Variants in MYCBP2 observed in about 807,000 individuals in gnomAD.
The protein encoded by MYCBP2 is E3 ubiquitin-protein ligase MYCBP2.
MYCBP2 carries 120 observed loss-of-function variants against 525.3 expected under a neutral mutation model. The ratio of observed to expected loss-of-function variants is 0.23; its 90% confidence interval spans 0.20 to 0.27. The LOEUF is 0.27. Among genes scored for constraint, MYCBP2 ranks in the 10% least tolerant of loss-of-function variants. MYCBP2 has a pLI of 1.00. For missense variants in MYCBP2, 4,149 were observed against 5,657.1 expected (o/e 0.73, Z 8.55); for synonymous variants, 1,894 against 1,955.8 (o/e 0.97, Z 0.83).
intron 18 of MYCBP2, 50 bp downstream of exon 18, chr13:77,233,106 G>A (rs1460094050): frequency 1.3e-6 from 2 of 1,491,370 alleles, no homozygotes; most frequent in South Asian, 1.2e-5. Context: ...TCAAATGAGT[G>A]GAAGAAATTG....
At chr13:77,224,386 A>G (rs1249765424) in intron 20 of MYCBP2, 65 bp downstream of exon 20, 10 of 1,006,614 alleles carry the variant, frequency 9.9e-6, no homozygotes, top group Non-Finnish European at 1.5e-5. Context: ...AAGAAAGAAA[A>G]AAGAAGGAAA....
chr13:77,275,838 G>C (rs2075488822), intron 4 of MYCBP2, among the ~76,000 whole-genome samples: 1 of 152,048 alleles, frequency 6.6e-6, no homozygotes, highest in Admixed American at 6.6e-5. Context: ...ACAAAAATTA[G>C]CCGGGCATTG....
chr13:77,133,036 T>C lies in MYCBP2; in HGVS notation c.7659+6160A>G, dbSNP rs564397096. ...TTAAGGTTATAAGTATTTATCTTTCTGTAGTTTGGCAGTTCTAGTCAAAGT... is the reference window on the plus strand; with the variant it reads ...TTAAGGTTATAAGTATTTATCTTTCCGTAGTTTGGCAGTTCTAGTCAAAGT... On this transcript the variant is annotated intron_variant, in intron 52 of 82. Transcript: ENST00000544440. 1.2e-4 allele frequency among the ~76,000 whole-genome samples: 18 copies of C among 152,298 alleles called. 1 individual carries two copies. The South Asian group carries it at 2.7e-3, about 23-fold the overall frequency.
At chr13:77,258,572 G>C (rs909920930) in intron 13 of MYCBP2, among the ~76,000 whole-genome samples, 2 of 152,124 alleles carry the variant, frequency 1.3e-5, no homozygotes, top group Non-Finnish European at 2.9e-5. Context: ...TGGGAAAACT[G>C]TTCTACATTA....
rs1319374166 is a variant in MYCBP2 at position 77,165,287 on chromosome 13, G to C, written c.6445C>G (p.Pro2149Ala). 6.2e-6 allele frequency: 10 copies of C among 1,607,068 alleles called. No individual in the cohort carries two copies. In the East Asian group the frequency reaches 1.8e-4, roughly 29 times the overall value. The change falls in exon 42 of 83, where the codon CCT becomes GCT. Residue 2149 changes from proline (P) to alanine (A), a missense_variant. Physicochemically the swap from Pro to Ala is conservative, Grantham distance 27. This residue lies in a region of MYCBP2 where 692 missense variants were observed against 852.7 expected (regional missense o/e 0.81). Coordinates refer to ENST00000544440, the MANE Select transcript of MYCBP2 (RefSeq NM_015057.5). ...KCFAIGYEFS[P>A]GPDEGVIQLE... is the part of the protein sequence containing the mutation. ...TTCATTCTTACCTCATCAGGTCCAG[G>C]GCTAAATTCATATCCAATTGCAAAA... is the stretch of plus-strand genomic sequence containing the variant.
intron 2 of MYCBP2, among the ~76,000 whole-genome samples, chr13:77,289,498 T>C (rs1291442525): frequency 4.6e-5 from 7 of 151,790 alleles, no homozygotes; most frequent in Non-Finnish European, 1.0e-4. Context: ...AAAAATCCAG[T>C]ATCGATTCAT....
intron 23 of MYCBP2, among the ~76,000 whole-genome samples, chr13:77,207,746 C>T (rs1343665062): frequency 6.6e-6 from 1 of 152,182 alleles, no homozygotes; most frequent in East Asian, 1.9e-4. Context: ...CTGTTGATCT[C>T]ATTGTTTAGG....
intron 17 of MYCBP2, among the ~76,000 whole-genome samples, chr13:77,236,237 T>A (rs1335113653): frequency 3.9e-5 from 6 of 152,184 alleles, no homozygotes; most frequent in Admixed American, 1.3e-4. Flanking sequence ...TAGAACTTGG[T>A]GATTTATTTC....
chr13:77,244,877 G>A (rs1233559529), intron 15 of MYCBP2, among the ~76,000 whole-genome samples: 1 of 152,124 alleles, frequency 6.6e-6, no homozygotes, highest in Admixed American at 6.5e-5. Flanking sequence ...CTTCTTACAA[G>A]AAGACATTTA....
intron 43 of MYCBP2, among the ~76,000 whole-genome samples, chr13:77,164,204 T>C (rs978116258): frequency 1.3e-5 from 2 of 152,174 alleles, no homozygotes; most frequent in Admixed American, 1.3e-4. Context: ...ATACACACTA[T>C]ACCCACTGCC....
chr13:77,260,137 G>T (rs2073014813), intron 13 of MYCBP2, among the ~76,000 whole-genome samples: 1 of 152,126 alleles, frequency 6.6e-6, no homozygotes, highest in South Asian at 2.1e-4. Context: ...ACTGTCCCAG[G>T]GACATGTCCC....
In MYCBP2 at chr13:77,326,662, G is replaced by C; in HGVS notation, c.114C>G (p.Phe38Leu). The change falls in exon 1 of 83, where the codon TTC becomes TTG. Residue 38 changes from phenylalanine to leucine, a missense_variant. Phe to Leu is a conservative substitution (Grantham distance 22). Coordinates refer to ENST00000544440, the MANE Select transcript of MYCBP2 (RefSeq NM_015057.5). The surrounding 1 kb of genome is among the most constrained non-coding windows in gnomAD (Gnocchi z 4.2). ...CCACGGAGCCGTCGGGAACCGGCAT[G>C]AACAGCGCCCCCGGCGCCGGGGAGG... ...FSSSPAPGAL[F>L]MPVPDGSVAA... 6.7e-7 allele frequency: 1 copy of C among 1,496,076 alleles called. No homozygotes were observed. The highest frequency in any genetic ancestry group is 8.9e-7 in the Non-Finnish European group (1 of 1,128,408). 92.7% of individuals were successfully genotyped at this position (1,496,076 alleles called of 1,614,324 possible).
Position 77,233,145 on chromosome 13 carries a change from AG to A in MYCBP2, c.2737+10del, listed in dbSNP as rs1485975658. The A allele has an allele frequency of 3.1e-6, 5 of 1,609,586 alleles. No individual in the cohort carries two copies. The African/African-American group carries it at 4.0e-5, about 13-fold the overall frequency. On this transcript the variant is annotated intron_variant, in intron 18 of 82. Coordinates refer to ENST00000544440, the MANE Select transcript of MYCBP2 (RefSeq NM_015057.5). ...AAGTATCCCACCTAGGTGATAAGGAAGACCAAATACCTTTGTGCTTGTCCCG... is the reference window on the plus strand; with the variant it reads ...AAGTATCCCACCTAGGTGATAAGGAAACCAAATACCTTTGTGCTTGTCCCG...
chr13:77,088,749 G>T, intron 61 of MYCBP2, 83 bp downstream of exon 61: 2 of 1,199,374 alleles, frequency 1.7e-6, no homozygotes, highest in Non-Finnish European at 2.4e-6. Flanking sequence ...AATTTCTGTT[G>T]GTAAAAAAGT....
intron 17 of MYCBP2, among the ~76,000 whole-genome samples, chr13:77,238,042 G>C (rs1274995004): frequency 3.3e-5 from 5 of 152,048 alleles, no homozygotes; most frequent in Non-Finnish European, 1.5e-5. Context: ...AGGAGATTGA[G>C]GCTATCCTGG....
intron 68 of MYCBP2, chr13:77,076,232 A>T (rs2042268575): frequency 6.6e-6 from 1 of 152,268 alleles, no homozygotes; most frequent in South Asian, 2.1e-4. Context: ...GACAAATTAG[A>T]CATGGACTTG....
At chr13:77,093,665 T>TATC (rs1446254726) in intron 58 of MYCBP2, among the ~76,000 whole-genome samples, 1 of 152,142 alleles carries the variant, frequency 6.6e-6, no homozygotes, top group African/African-American at 2.4e-5. Context: ...CTTAGCCCTC[T>TATC]ATCATCATCA....
At position 77,270,314 on chromosome 13, in the gene MYCBP2, T is replaced by C. The variant is rs749737077; in HGVS notation, c.1170A>G (p.Gly390=). ...ACATTACCCTAACTGTTCCACTGTA[T>C]CCAGAGCCTATTTTATATAATCCAT... is the stretch of plus-strand genomic sequence containing the variant. ...CKDGLYKIGS[G]YSGTVRGHIY... Residue 390 remains glycine (G), a synonymous_variant, in exon 6 of 83, where the codon GGA becomes GGG. Transcript: ENST00000544440. 6.2e-7 allele frequency: 1 copy of C among 1,612,992 alleles called. No homozygotes were observed. Among genetic ancestry groups the C allele is most frequent in the Non-Finnish European group, 8.5e-7 (1 of 1,179,264 alleles).
At position 77,205,483 on chromosome 13, in the gene MYCBP2, G is replaced by A; in HGVS notation, c.3705C>T (p.Asn1235=). The A allele has an allele frequency of 6.2e-7, 1 of 1,613,178 alleles. No individual in the cohort carries two copies. The highest frequency in any genetic ancestry group is 2.2e-5 in the East Asian group (1 of 44,824). Residue 1235 remains asparagine (N), a synonymous_variant, in exon 25 of 83, where the codon AAC becomes AAT. Transcript: ENST00000544440. ...VYSKEDYSVV[N]RFESHGGGWG... ...CCGAAGTATACATACTTTCAAACCT[G>A]TTTACCACACTATAATCTTCTTTAG...
Sources: gnomAD v4.1 joint callset for allele counts (sites outside exome capture counted in the v4.1 genomes callset) on GRCh38, gnomAD v4.1.1 for gene constraint, gnomAD v4.1.1 regional missense constraint, Gnocchi (gnomAD v3.1) non-coding constraint, MANE v1.5 for transcripts, NCBI Gene and HGNC (gene_info 2026-07-23, HGNC 2026-07-21) for gene names.